DLC1: variants seen among roughly 807,000 people sequenced by gnomAD.
DLC1 encodes the protein rho GTPase-activating protein 7.
A neutral mutation model predicts 140.3 loss-of-function variants in DLC1; 54 were observed. The ratio of observed to expected loss-of-function variants is 0.38; its 90% CI spans 0.31 to 0.48. The LOEUF is 0.48. Among genes scored for constraint, DLC1 ranks in the 20% least tolerant of loss-of-function variants. The pLI, the probability that DLC1 is intolerant of heterozygous loss-of-function variation, is 0.96. For missense variants in DLC1, 2,536 were observed against 1,907.0 expected, an observed-to-expected ratio of 1.33 and a Z score of -6.14; for synonymous variants, 986 against 728.1, an observed-to-expected ratio of 1.35 and a Z score of -5.70.
At chr8:13,185,315 TG>T (rs1413747845) in intron 5 of DLC1, among the ~76,000 whole-genome samples, 1 of 150,122 alleles carries the variant, frequency 6.7e-6, no homozygotes, top group Non-Finnish European at 1.5e-5. Flanking sequence ...TTTGTTTGTT[TG>T]TTTGTTTTTG....
At chr8:13,581,154 A>C (rs973705053) in intron 1 of DLC1, among the ~76,000 whole-genome samples, 1 of 152,218 alleles carries the variant, frequency 6.6e-6, no homozygotes, top group African/African-American at 2.4e-5. Flanking sequence ...GGGAGATCTC[A>C]TTCAGTCAGG....
chr8:13,426,624 C>T lies in DLC1; in HGVS notation c.1024-25005G>A, dbSNP rs376201105. ...GAATTGACACCATCAAAAGTGTCCT[C>T]GTCTTTAAGCAAATATGACAATTGA... is the stretch of plus-strand genomic sequence containing the variant. On this transcript the variant is annotated intron_variant, in intron 2 of 17. Coordinates refer to ENST00000276297, the MANE Select transcript of DLC1 (RefSeq NM_182643.3). Among the ~76,000 whole-genome samples the T allele has an allele frequency of 4.6e-5, 7 of 152,200 alleles. No individual in the cohort carries two copies. In the South Asian group the frequency reaches 8.3e-4, roughly 18 times the overall value.
Position 13,599,511 on chromosome 8 carries a change from T to C in DLC1, c.-126+5026A>G, listed in dbSNP as rs552158721. Reference sequence around the variant, plus strand: ...TAAAAAGACAGAGTGCCCTAATTTCTTTTGTAAGTTTATTACCAAATCCCA... The same window carrying C: ...TAAAAAGACAGAGTGCCCTAATTTCCTTTGTAAGTTTATTACCAAATCCCA... On this transcript the variant is annotated intron_variant, in intron 1 of 1. Coordinates refer to the DLC1 transcript ENST00000631382. Among the ~76,000 whole-genome samples the C allele has an allele frequency of 3.1e-3, 470 of 152,090 alleles. 3 individuals are homozygous for C. The highest frequency in any genetic ancestry group is 0.011 in the African/African-American group (447 of 41,552).
At chr8:13,560,169 A>G (rs184488798) in intron 1 of DLC1, among the ~76,000 whole-genome samples, 23 of 152,332 alleles carry the variant, frequency 1.5e-4, no homozygotes, top group Non-Finnish European at 2.6e-4. Flanking sequence ...GTAATATAGA[A>G]CCTACATTTG....
chr8:13,543,219 A>C (rs1803544890), intron 1 of DLC1, among the ~76,000 whole-genome samples: 1 of 152,206 alleles, frequency 6.6e-6, no homozygotes, highest in Admixed American at 6.5e-5. Flanking sequence ...AATAATGCAA[A>C]GTAGGAAATC....
rs549603978 is a variant in DLC1, at chr8:13,170,969, G to T, written c.1349-55312C>A. On this transcript the variant is annotated intron_variant, in intron 5 of 17. Coordinates refer to ENST00000276297, the MANE Select transcript of DLC1 (RefSeq NM_182643.3). The stretch of plus-strand genomic sequence containing the variant: ...TCAAGAGACCACTTTGCGACTGAGG[G>T]TCACCAAAGCTCTGTGATTTAAGAA... Among the ~76,000 whole-genome samples the T allele has an allele frequency of 2.0e-5, 3 of 152,258 alleles. No individual in the cohort carries two copies. In the South Asian group the frequency reaches 6.2e-4, roughly 32 times the overall value.
chr8:13,250,126 C>T (rs977741622), intron 5 of DLC1, among the ~76,000 whole-genome samples: 2 of 152,222 alleles, frequency 1.3e-5, no homozygotes, highest in Admixed American at 1.3e-4. Context: ...ATCCCTGGAA[C>T]ATGGAATAGG....
intron 7 of DLC1, among the ~76,000 whole-genome samples, chr8:13,109,272 C>G (rs1489264634): frequency 6.6e-6 from 1 of 151,914 alleles, no homozygotes; most frequent in East Asian, 1.9e-4. Flanking sequence ...GAAAAAAATA[C>G]TGAGATGGGG....
intron 2 of DLC1, among the ~76,000 whole-genome samples, chr8:13,468,164 T>C (rs1273779778): frequency 2.6e-5 from 4 of 152,226 alleles, no homozygotes; most frequent in South Asian, 2.1e-4. Flanking sequence ...ATTATAATTT[T>C]CCTCAATTCC....
upstream of DLC1, among the ~76,000 whole-genome samples, chr8:13,515,282 T>C (rs180904206): frequency 2.3e-4 from 35 of 152,304 alleles, no homozygotes; most frequent in East Asian, 3.1e-3. Context: ...AAAACCTTTT[T>C]TGAACATGAC....
At chr8:13,287,367 GTTTTC>G (rs1054055329) in intron 5 of DLC1, among the ~76,000 whole-genome samples, 3 of 152,106 alleles carry the variant, frequency 2.0e-5, no homozygotes, top group East Asian at 1.9e-4. Context: ...CTTCTATTTT[GTTTTC>G]TTTTCCAATT....
intron 4 of DLC1, among the ~76,000 whole-genome samples, chr8:13,314,441 A>G (rs923784361): frequency 2.6e-5 from 4 of 151,876 alleles, no homozygotes; most frequent in African/African-American, 9.7e-5. Context: ...AAGAAACAAA[A>G]CAACATATAT....
At chr8:13,541,743 G>T (rs1803491824) in intron 1 of DLC1, among the ~76,000 whole-genome samples, 1 of 152,104 alleles carries the variant, frequency 6.6e-6, no homozygotes, top group Non-Finnish European at 1.5e-5. Flanking sequence ...TAGAGATGGG[G>T]TTTCACCGTG....
chr8:13,099,299 T>G (rs1818776944), intron 9 of DLC1, 48 bp downstream of exon 9: 4 of 1,566,412 alleles, frequency 2.6e-6, no homozygotes, highest in Non-Finnish European at 3.5e-6. Context: ...GGCAATGTCT[T>G]TCTGACCCCC....
chr8:13,269,853 C>G (rs904810797), intron 5 of DLC1, among the ~76,000 whole-genome samples: 5 of 149,256 alleles, frequency 3.3e-5, no homozygotes, highest in African/African-American at 1.2e-4. Flanking sequence ...GTCGGGAGAT[C>G]AAGACCATCC....
rs537157687 is a variant in DLC1, at chr8:13,274,211, T to C, written c.1348+31058A>G. On this transcript the variant is annotated intron_variant, in intron 5 of 17. Transcript: ENST00000276297. The stretch of plus-strand genomic sequence containing the variant: ...CTTGAGGGAAAGGGATGGAAGCAAG[T>C]GCTCTTGAGGTTTGGCTGTGCACCA... Among the ~76,000 whole-genome samples, 19 of 152,286 alleles carry C rather than the reference T, an allele frequency of 1.2e-4. 1 individual carries two copies. In the South Asian group the frequency reaches 3.9e-3, roughly 32 times the overall value.
At chr8:13,280,210 C>T (rs1484601018) in intron 5 of DLC1, among the ~76,000 whole-genome samples, 2 of 146,472 alleles carry the variant, frequency 1.4e-5, no homozygotes, top group African/African-American at 5.1e-5. Context: ...ATGGCATGAA[C>T]CCAGGAGGCG....
In DLC1 at chr8:13,301,058, C is replaced by G. The variant is rs533985402; in HGVS notation, c.1348+4211G>C. 1.2e-3 allele frequency among the ~76,000 whole-genome samples: 189 copies of G among 152,254 alleles called. 1 individual carries two copies. Among genetic ancestry groups the G allele is most frequent in the Non-Finnish European group, 2.3e-3 (157 of 68,016 alleles). On this transcript the variant is annotated intron_variant, in intron 5 of 17. Coordinates refer to ENST00000276297, the MANE Select transcript of DLC1 (RefSeq NM_182643.3). ...GCGGCAGGAGAACCCAGGCGCCTAG[C>G]TGGCTTGCTTGGTAGATAGGATCTG... is the stretch of plus-strand genomic sequence containing the variant.
At chr8:13,168,166 A>T (rs28452606) in intron 5 of DLC1, among the ~76,000 whole-genome samples, 5,694 of 152,306 alleles carry the variant, frequency 0.037, 363 homozygotes, top group African/African-American at 0.13. Context: ...CTTCTAAGAC[A>T]TAAAACGTCT....
Sources: allele counts gnomAD v4.1 joint callset (sites outside exome capture counted in the v4.1 genomes callset), GRCh38; gene constraint gnomAD v4.1.1; transcripts MANE v1.5; gene names NCBI Gene and HGNC (gene_info 2026-07-23, HGNC 2026-07-21).